The following CFAP61 variants were observed in gnomAD, a reference collection of about 807,000 sequenced individuals.
CFAP61 encodes cilia and flagella associated protein 61.
CFAP61 carries 107 observed loss-of-function variants against 135.6 expected under a neutral mutation model. That is an observed-to-expected ratio of 0.79 (90% CI 0.67 to 0.93). The LOEUF (loss-of-function observed/expected upper bound fraction) is 0.93. CFAP61 is among the 40% of genes least tolerant of loss of function. The pLI, the probability that CFAP61 is intolerant of heterozygous loss-of-function variation, is 0.00. For missense variants in CFAP61, 1,507 were observed against 1,556.2 expected, an observed-to-expected ratio of 0.97 and a Z score of 0.53; for synonymous variants, 575 against 578.5, an observed-to-expected ratio of 0.99 and a Z score of 0.09.
At chr20:20,082,727 G>C (rs575165568) in intron 6 of CFAP61, among the ~76,000 whole-genome samples, 1 of 152,284 alleles carries the variant, frequency 6.6e-6, no homozygotes, top group East Asian at 1.9e-4. Context: ...CAACCTTGTT[G>C]CTTTTTAAAA....
At chr20:20,096,271 C>T (rs967059612) in intron 7 of CFAP61, among the ~76,000 whole-genome samples, 7 of 152,190 alleles carry the variant, frequency 4.6e-5, no homozygotes, top group African/African-American at 1.7e-4. Flanking sequence ...AAAGCAGACA[C>T]TTCCACAATA....
chr20:20,208,791 G>T (rs766444028), intron 17 of CFAP61, among the ~76,000 whole-genome samples: 31 of 152,298 alleles, frequency 2.0e-4, no homozygotes, highest in African/African-American at 7.5e-4. Flanking sequence ...AGCAGGTTCT[G>T]CCCGTGCAGG....
chr20:20,260,298 C>T (rs1387231000), intron 20 of CFAP61, among the ~76,000 whole-genome samples: 1 of 152,206 alleles, frequency 6.6e-6, no homozygotes, highest in Non-Finnish European at 1.5e-5. Context: ...CTGGCTTCTT[C>T]TCAATGTCTC....
intron 8 of CFAP61, among the ~76,000 whole-genome samples, chr20:20,141,656 T>TA (rs1026518628): frequency 2.0e-5 from 3 of 152,234 alleles, no homozygotes; most frequent in African/African-American, 7.2e-5. Flanking sequence ...TTCATTCATT[T>TA]ACCTACATCT....
intron 6 of CFAP61, among the ~76,000 whole-genome samples, chr20:20,077,059 C>T (rs1282469491): frequency 6.6e-6 from 1 of 152,164 alleles, no homozygotes; most frequent in East Asian, 1.9e-4. Context: ...GGGAGAGACT[C>T]ATCTTCAGTT....
At chr20:20,138,323 C>T (rs2051100902) in intron 8 of CFAP61, among the ~76,000 whole-genome samples, 1 of 152,224 alleles carries the variant, frequency 6.6e-6, no homozygotes, top group Non-Finnish European at 1.5e-5. Context: ...GTGGCCTAGA[C>T]AGCCTTTCAA....
intron 18 of CFAP61, among the ~76,000 whole-genome samples, chr20:20,234,772 C>T (rs999533674): frequency 2.6e-5 from 4 of 152,002 alleles, no homozygotes; most frequent in Admixed American, 6.6e-5. Flanking sequence ...CCAGGGAAGG[C>T]GGCAGGTCAA....
intron 22 of CFAP61, 59 bp downstream of exon 22, chr20:20,277,517 A>T (rs2053863740): frequency 6.6e-7 from 1 of 1,504,420 alleles, no homozygotes; most frequent in Non-Finnish European, 9.0e-7. Flanking sequence ...TCTCCAAGGG[A>T]TTTGGGGGTC....
chr20:20,244,370 A>T (rs913554892), intron 18 of CFAP61, among the ~76,000 whole-genome samples: 5 of 152,218 alleles, frequency 3.3e-5, no homozygotes, highest in Non-Finnish European at 7.3e-5. Context: ...ATCCTCCGAC[A>T]TCTAAGTGGA....
intron 9 of CFAP61, among the ~76,000 whole-genome samples, chr20:20,154,101 A>C (rs547794531): frequency 6.6e-6 from 1 of 152,280 alleles, no homozygotes; most frequent in South Asian, 2.1e-4. Flanking sequence ...TTTAAAAACA[A>C]AAATCATATT....
chr20:20,056,452 G>A (rs2044341062), intron 1 of CFAP61, among the ~76,000 whole-genome samples, 166 bp from the exon 2 acceptor site: 1 of 152,200 alleles, frequency 6.6e-6, no homozygotes, highest in Non-Finnish European at 1.5e-5. Context: ...CTCCTATGGA[G>A]GAACGTCAGC....
chr20:20,125,956 A>G (rs945485712), intron 8 of CFAP61, among the ~76,000 whole-genome samples: 3 of 151,794 alleles, frequency 2.0e-5, no homozygotes, highest in Admixed American at 6.6e-5. Context: ...GCCTTTTACC[A>G]TTATATAATG....
At chr20:20,293,794 C>T (rs1430668168) in intron 24 of CFAP61, among the ~76,000 whole-genome samples, 4 of 152,126 alleles carry the variant, frequency 2.6e-5, no homozygotes, top group Non-Finnish European at 5.9e-5. Context: ...GCTTTGTTGG[C>T]GTATATACCA....
chr20:20,116,293 A>T (rs989312606), intron 8 of CFAP61, among the ~76,000 whole-genome samples: 1 of 152,004 alleles, frequency 6.6e-6, no homozygotes, highest in African/African-American at 2.4e-5. Context: ...TTTTTTTGCT[A>T]TTGAATTATT....
chr20:20,106,836 A>G (rs2048441715), intron 8 of CFAP61, among the ~76,000 whole-genome samples: 1 of 152,228 alleles, frequency 6.6e-6, no homozygotes. Context: ...AGGCTGAAAG[A>G]TAATAACGAA....
intron 6 of CFAP61, among the ~76,000 whole-genome samples, chr20:20,078,265 C>T (rs1396574492): frequency 6.6e-6 from 1 of 152,122 alleles, no homozygotes; most frequent in African/African-American, 2.4e-5. Flanking sequence ...GTTAGAATAC[C>T]CTTGGCTGAG....
At chr20:20,146,274 G>C (rs1354313104) in intron 9 of CFAP61, among the ~76,000 whole-genome samples, 2 of 152,212 alleles carry the variant, frequency 1.3e-5, no homozygotes, top group African/African-American at 4.8e-5. Context: ...AATGAGTGAA[G>C]AAGAGTATGA....
At chr20:20,078,532 AACAG>A (rs1352850211) in intron 6 of CFAP61, among the ~76,000 whole-genome samples, 2 of 152,180 alleles carry the variant, frequency 1.3e-5, no homozygotes, top group Non-Finnish European at 2.9e-5. Flanking sequence ...AGGAAATAGA[AACAG>A]AGGGAGAAGC....
chr20:20,109,871 G>T (rs2048676863), intron 8 of CFAP61, among the ~76,000 whole-genome samples: 1 of 149,594 alleles, frequency 6.7e-6, no homozygotes, highest in Non-Finnish European at 1.5e-5. Flanking sequence ...AATGTGTTTT[G>T]TTCTTCCTAT....
Sources: allele counts gnomAD v4.1 joint callset (sites outside exome capture counted in the v4.1 genomes callset), GRCh38; gene constraint gnomAD v4.1.1; transcripts MANE v1.5; gene names NCBI Gene and HGNC (gene_info 2026-07-23, HGNC 2026-07-21).